SLC9A3: variants seen among roughly 807,000 people sequenced by gnomAD.
SLC9A3 encodes the protein solute carrier family 9 member A3.
In SLC9A3, 37 loss-of-function variants were observed where a neutral mutation model predicts 86.8. That is an observed-to-expected ratio of 0.43 (90% confidence interval 0.33 to 0.56). The LOEUF is 0.56. Ranked by LOEUF, SLC9A3 falls within the 20% of genes least tolerant of loss-of-function variation. The pLI is 0.06. For missense variants in SLC9A3, 1,011 were observed against 1,171.9 expected (o/e 0.86, Z 2.00); for synonymous variants, 581 against 528.3 (o/e 1.10, Z -1.37).
chr5:514,601 G>C (rs1733670548), intron 1 of SLC9A3, among the ~76,000 whole-genome samples: 1 of 152,222 alleles, frequency 6.6e-6, no homozygotes, highest in Admixed American at 6.5e-5. Flanking sequence ...GTTCTAAGGG[G>C]AATCTGCCTT....
At position 523,576 on chromosome 5, in the gene SLC9A3, A is replaced by C. The variant is rs1165106083; in HGVS notation, c.211+536T>G. ...TGGTTCATTGGCGCCGGTTAAGAAG[A>C]AGAGAAATCTGACCGACCGGGATTT... On this transcript the variant is annotated intron_variant, in intron 1 of 16. Transcript: ENST00000264938. 4.0e-5 allele frequency among the ~76,000 whole-genome samples: 6 copies of C among 151,588 alleles called. No individual in the cohort carries two copies. In the East Asian group the frequency reaches 1.2e-3, roughly 29 times the overall value.
chr5:482,154 G>C lies in SLC9A3; in HGVS notation c.1360C>G (p.Leu454Val). The C allele has an allele frequency of 6.2e-7, 1 of 1,609,438 alleles. No individual in the cohort carries two copies. Among genetic ancestry groups the C allele is most frequent in the East Asian group, 2.2e-5 (1 of 44,734 alleles). Residue 454 changes from leucine (L) to valine (V), a missense_variant, in exon 8 of 17, where the codon CTG (leucine) becomes GTG (valine). By Grantham distance (32) the Leu-to-Val change is conservative. Coordinates refer to ENST00000264938, the MANE Select transcript of SLC9A3 (RefSeq NM_004174.4). ...VVFFTVIFQG[L>V]TIKPLVQWLK... ...CACTGCACCAGAGGCTTGATGGTCA[G>C]GCCCTGGAGGACAGGGTCTCGTGAC...
At chr5:488,678 A>G (rs1739582030) in intron 2 of SLC9A3, among the ~76,000 whole-genome samples, 2 of 152,186 alleles carry the variant, frequency 1.3e-5, no homozygotes. Context: ...CGAGGGGGCC[A>G]CCCCATCTGA....
Position 491,282 on chromosome 5 carries a change from G to A in SLC9A3, c.514+487C>T, listed in dbSNP as rs554343696. On this transcript the variant is annotated intron_variant, in intron 2 of 16. Transcript: ENST00000264938. The surrounding 1 kb of genome is among the most constrained non-coding windows in gnomAD (Gnocchi z 9.2). ...CGCCAGCCACGCGTGGTCTGGGTCC[G>A]GGGCGGGAGGCAGTGCCCGAGAGAT... 3.0e-4 allele frequency among the ~76,000 whole-genome samples: 45 copies of A among 152,214 alleles called. No homozygotes were observed. The highest frequency in any genetic ancestry group is 9.2e-4 in the African/African-American group (38 of 41,520).
Position 482,537 on chromosome 5 carries a change from C to T in SLC9A3, c.1356+11G>A. ...GGCCGAGACCCCAGGGCTGGCTGGGCTGGGCCTCACCTGGAAGATGACGGT... is the reference window on the plus strand; with the variant it reads ...GGCCGAGACCCCAGGGCTGGCTGGGTTGGGCCTCACCTGGAAGATGACGGT... On this transcript the variant is annotated intron_variant, in intron 7 of 16. Transcript: ENST00000264938. 1 of 1,603,508 alleles carries T rather than the reference C, an allele frequency of 6.2e-7. No individual in the cohort carries two copies. Among genetic ancestry groups the T allele is most frequent in the Non-Finnish European group, 8.5e-7 (1 of 1,172,632 alleles).
At position 473,161 on chromosome 5, in the gene SLC9A3, C is replaced by CAGGCCCCGCCCCCGGCGT; in HGVS notation, c.*217_*218insACGCCGGGGGCGGGGCCT. On this transcript the variant is annotated 3_prime_UTR_variant, in exon 17 of 17. Coordinates refer to ENST00000264938, the MANE Select transcript of SLC9A3 (RefSeq NM_004174.4). ...CGGCGCTCCGGCCCCGCCCCCGGCG[C>CAGGCCCCGCCCCCGGCGT]AGGCCCCGCCCCCGGCTCGCCCTCG... is the stretch of plus-strand genomic sequence containing the variant. The CAGGCCCCGCCCCCGGCGT allele has an allele frequency of 7.3e-6, 3 of 412,804 alleles. No homozygotes were observed. The highest frequency in any genetic ancestry group is 1.2e-5 in the Non-Finnish European group (3 of 259,790). The allele number at this position is 412,804 out of a possible 1,614,324, so 25.6% of individuals were successfully genotyped here.
intron 10 of SLC9A3, chr5:477,753 C>T (rs946507376): frequency 4.1e-5 from 13 of 317,574 alleles, no homozygotes; most frequent in Non-Finnish European, 7.0e-5. Context: ...TGGGATGTGT[C>T]TGGGGAAAGT....
chr5:475,496 A>C, intron 15 of SLC9A3, 65 bp downstream of exon 15: 1 of 944,942 alleles, frequency 1.1e-6, no homozygotes, highest in Non-Finnish European at 1.7e-6. Context: ...CCAATGACCG[A>C]GCTCCCTCCT....
rs1010019397 is a variant in SLC9A3, at chr5:496,882, C to T, written c.212-4811G>A. Among the ~76,000 whole-genome samples, 3 of 151,818 alleles carry T rather than the reference C, an allele frequency of 2.0e-5. No homozygotes were observed. Among genetic ancestry groups the T allele is most frequent in the African/African-American group, 4.8e-5 (2 of 41,306 alleles). Reference sequence around the variant, plus strand: ...CCTGGGCAACATGGCGAAACCCCATCTTTACAAAAAAAAATACAAAAACTC... The same window carrying T: ...CCTGGGCAACATGGCGAAACCCCATTTTTACAAAAAAAAATACAAAAACTC... On this transcript the variant is annotated intron_variant, in intron 1 of 16. Transcript: ENST00000264938. This position sits in a 1 kb window ranked among gnomAD's most constrained non-coding sequence, Gnocchi z 4.7.
At chr5:488,592 G>T in intron 2 of SLC9A3, 116 bp from the exon 3 acceptor site, 1 of 1,068,694 alleles carries the variant, frequency 9.4e-7, no homozygotes, top group Non-Finnish European at 1.3e-6. Flanking sequence ...TGGCGCCGGT[G>T]GCGTGGGGAG....
Position 473,237 on chromosome 5 carries a change from T to C in SLC9A3, c.*142A>G, listed in dbSNP as rs1738493141. 4.3e-6 allele frequency: 4 copies of C among 936,808 alleles called. No homozygotes were observed. Among genetic ancestry groups the C allele is most frequent in the Non-Finnish European group, 5.5e-6 (4 of 723,356 alleles). 58.0% of individuals were successfully genotyped at this position (936,808 alleles called of 1,614,324 possible). On this transcript the variant is annotated 3_prime_UTR_variant, in exon 17 of 17. Coordinates refer to ENST00000264938, the MANE Select transcript of SLC9A3 (RefSeq NM_004174.4). Reference sequence around the variant, plus strand: ...CACTCTCGGAGTTCTGCGCAGGCGCTGGCGTGGGCGAGGCGGGGCTCGGGG... The same window carrying C: ...CACTCTCGGAGTTCTGCGCAGGCGCCGGCGTGGGCGAGGCGGGGCTCGGGG...
At position 476,416 on chromosome 5, in the gene SLC9A3, C is replaced by T. The variant is rs373937612; in HGVS notation, c.1891-38G>A. 1,980 of 1,609,786 alleles carry T rather than the reference C, an allele frequency of 1.2e-3. 2 individuals are homozygous for T. The highest frequency in any genetic ancestry group is 1.4e-3 in the Non-Finnish European group (1,688 of 1,177,996). On this transcript the variant is annotated intron_variant, in intron 12 of 16. Coordinates refer to ENST00000264938, the MANE Select transcript of SLC9A3 (RefSeq NM_004174.4). ...GCACGGAGGTCACAGCTGTGCCCAC[C>T]GCCGGACATTCTCGCCCTCCTGCCG... is the stretch of plus-strand genomic sequence containing the variant.
chr5:478,498 C>CCA (rs1738920968), intron 10 of SLC9A3: 1 of 152,836 alleles, frequency 6.5e-6, no homozygotes, highest in Non-Finnish European at 1.5e-5. Context: ...TGGGTGAGAG[C>CCA]CAGGAGGGAC....
chr5:509,749 C>A (rs935560375), intron 1 of SLC9A3, among the ~76,000 whole-genome samples: 3 of 151,822 alleles, frequency 2.0e-5, no homozygotes, highest in Non-Finnish European at 4.4e-5. Flanking sequence ...GAATGGGGTG[C>A]GGGGAGGGGG....
intron 3 of SLC9A3, 66 bp downstream of exon 3, chr5:488,250 G>A (rs1050934286): frequency 2.6e-6 from 4 of 1,559,772 alleles, no homozygotes; most frequent in East Asian, 2.3e-5. Context: ...CTGACCGATG[G>A]GGGGTGAGAC....
At chr5:512,871 A>AG (rs1433979333) in intron 1 of SLC9A3, among the ~76,000 whole-genome samples, 2 of 152,168 alleles carry the variant, frequency 1.3e-5, no homozygotes, top group African/African-American at 4.8e-5. Flanking sequence ...GAGGCCCAGC[A>AG]GCCAGTCTCA....
In SLC9A3 at chr5:491,828, A is replaced by G. The variant is rs142542253; in HGVS notation, c.455T>C (p.Val152Ala). 2 of 1,597,202 alleles carry G rather than the reference A, an allele frequency of 1.3e-6. No individual in the cohort carries two copies. The highest frequency in any genetic ancestry group is 1.7e-5 in the Admixed American group (1 of 57,826). Residue 152 changes from valine to alanine, a missense_variant, in exon 2 of 17, where the codon GTG becomes GCG. Val to Ala is a moderately conservative substitution (Grantham distance 64, BLOSUM62 0). Coordinates refer to ENST00000264938, the MANE Select transcript of SLC9A3 (RefSeq NM_004174.4). The surrounding 1 kb of genome is among the most constrained non-coding windows in gnomAD (Gnocchi z 9.2). ...CAGCCCGGTGGTGGCCGCGTTCCAC[A>G]CGGTACCCACGACGGCGTACAACAG... The part of the protein sequence containing the change: ...TILLYAVVGT[V>A]WNAATTGLSL...
intron 1 of SLC9A3, among the ~76,000 whole-genome samples, chr5:521,206 G>C (rs920653811): frequency 2.0e-5 from 3 of 152,272 alleles, no homozygotes; most frequent in African/African-American, 4.8e-5. Flanking sequence ...CACACAAATA[G>C]GGGGCTTGTG....
At chr5:481,401 CGT>C (rs1739154901) in intron 9 of SLC9A3, among the ~76,000 whole-genome samples, 162 bp downstream of exon 9, 1 of 152,202 alleles carries the variant, frequency 6.6e-6, no homozygotes, top group South Asian at 2.1e-4. Flanking sequence ...GCAGCACCTG[CGT>C]GTCTCGGGGC....
Sources: allele counts gnomAD v4.1 joint callset (sites outside exome capture counted in the v4.1 genomes callset), GRCh38; gene constraint gnomAD v4.1.1; non-coding constraint Gnocchi (gnomAD v3.1); transcripts MANE v1.5; gene names NCBI Gene and HGNC (gene_info 2026-07-23, HGNC 2026-07-21).